The following KCNQ3 variants were observed in gnomAD, a reference collection of about 807,000 sequenced individuals.
KCNQ3 encodes the protein potassium voltage-gated channel subfamily Q member 3, also known as potassium voltage-gated channel subfamily KQT member 3.
KCNQ3 carries 30 observed loss-of-function variants against 92.5 expected under a neutral mutation model. The ratio of observed to expected loss-of-function variants is 0.32; its 90% CI spans 0.24 to 0.44. KCNQ3 has a LOEUF of 0.44. Ranked by LOEUF, KCNQ3 falls within the 20% of genes least tolerant of loss-of-function variation. The pLI is 1.00. For synonymous variants in KCNQ3, 450 were observed against 468.8 expected, an observed-to-expected ratio of 0.96 and a Z score of 0.52; for missense variants, 913 against 1,140.3, an observed-to-expected ratio of 0.80 and a Z score of 2.87.
At chr8:132,430,759 C>T (rs894071293) in intron 1 of KCNQ3, among the ~76,000 whole-genome samples, 9 of 152,130 alleles carry the variant, frequency 5.9e-5, no homozygotes, top group African/African-American at 1.9e-4. Flanking sequence ...AGGACAGAAA[C>T]GGGAAGATAT....
At position 132,372,431 on chromosome 8, in the gene KCNQ3, A is replaced by G. The variant is rs1194025021; in HGVS notation, c.386+107716T>C. Among the ~76,000 whole-genome samples, 3 of 152,140 alleles carry G rather than the reference A, an allele frequency of 2.0e-5. No homozygotes were observed. In the East Asian group the frequency reaches 5.8e-4, roughly 29 times the overall value. On this transcript the variant is annotated intron_variant, in intron 1 of 14. Transcript: ENST00000388996. ...GACACCTTATTAATACTACTCCCCC[A>G]GGGCTGTTCTGAGATGGGAGTGAAG...
intron 1 of KCNQ3, among the ~76,000 whole-genome samples, chr8:132,426,289 C>T (rs1515517): frequency 0.59 from 90,252 of 152,216 alleles, 27,233 homozygotes; most frequent in African/African-American, 0.64. Flanking sequence ...ATAAGGCCCT[C>T]AGGCAAACAA....
intron 4 of KCNQ3, among the ~76,000 whole-genome samples, chr8:132,176,086 C>T (rs1406167607): frequency 1.3e-5 from 2 of 152,192 alleles, no homozygotes; most frequent in Non-Finnish European, 2.9e-5. Context: ...TCTCCCAAAT[C>T]TCAGTATCTT....
intron 1 of KCNQ3, among the ~76,000 whole-genome samples, chr8:132,343,713 G>C (rs962864778): frequency 6.6e-6 from 1 of 151,944 alleles, no homozygotes; most frequent in Non-Finnish European, 1.5e-5. Context: ...AGAGATACTC[G>C]CTCCCTGATT....
At chr8:132,335,450 C>T (rs761824652) in intron 1 of KCNQ3, among the ~76,000 whole-genome samples, 1 of 152,170 alleles carries the variant, frequency 6.6e-6, no homozygotes. Flanking sequence ...ATCCCCCTCA[C>T]TTTGTAATAA....
chr8:132,453,773 A>G (rs1821878107), intron 1 of KCNQ3, among the ~76,000 whole-genome samples: 1 of 152,156 alleles, frequency 6.6e-6, no homozygotes, highest in African/African-American at 2.4e-5. Flanking sequence ...CCTAAATGGC[A>G]AGGATGGTTG....
chr8:132,173,694 C>A (rs1001341733), intron 6 of KCNQ3, among the ~76,000 whole-genome samples: 2 of 152,166 alleles, frequency 1.3e-5, no homozygotes, highest in African/African-American at 4.8e-5. Flanking sequence ...CAAATGCAAT[C>A]TGCTTTCATT....
chr8:132,338,027 C>A (rs1291983971), intron 1 of KCNQ3, among the ~76,000 whole-genome samples: 1 of 152,160 alleles, frequency 6.6e-6, no homozygotes, highest in African/African-American at 2.4e-5. Flanking sequence ...AGAGGGAAAA[C>A]TTATGGGCAA....
intron 1 of KCNQ3, among the ~76,000 whole-genome samples, chr8:132,310,738 T>C (rs1817571010): frequency 6.6e-6 from 1 of 152,142 alleles, no homozygotes; most frequent in African/African-American, 2.4e-5. Context: ...CTAAAAGTGG[T>C]ATGTGAGCTG....
chr8:132,358,076 C>CAA (rs57516766), intron 1 of KCNQ3, among the ~76,000 whole-genome samples: 1 of 151,988 alleles, frequency 6.6e-6, no homozygotes, highest in African/African-American at 2.4e-5. Context: ...GGTGTCCTCA[C>CAA]AAAAAAGGAG....
At chr8:132,204,762 T>C (rs1377600291) in intron 1 of KCNQ3, among the ~76,000 whole-genome samples, 2 of 152,204 alleles carry the variant, frequency 1.3e-5, no homozygotes, top group African/African-American at 4.8e-5. Context: ...ACTTTATTTA[T>C]GAAATGAGGC....
rs866012563 is a variant in KCNQ3 at position 132,294,000 on chromosome 8, G to T, written c.387-107819C>A. Among the ~76,000 whole-genome samples, 30 of 124,172 alleles carry T rather than the reference G, an allele frequency of 2.4e-4. 1 individual carries two copies. The highest frequency in any genetic ancestry group is 6.8e-4 in the African/African-American group (22 of 32,290). 81.5% of individuals were successfully genotyped at this position (124,172 alleles called of 152,430 possible). A position where few individuals can be genotyped will look rare whatever the true frequency, so the allele number is the denominator to read the frequency against. On this transcript the variant is annotated intron_variant, in intron 1 of 14. Transcript: ENST00000388996. Reference sequence around the variant, plus strand: ...ACTAAGGGTTTTTTGTGTGTGTGTGGTTTTTTTTTTTTTTTTTTGAGACGG... The same window carrying T: ...ACTAAGGGTTTTTTGTGTGTGTGTGTTTTTTTTTTTTTTTTTTTGAGACGG...
At chr8:132,456,646 C>T (rs1037689313) in intron 1 of KCNQ3, among the ~76,000 whole-genome samples, 8 of 151,276 alleles carry the variant, frequency 5.3e-5, no homozygotes, top group African/African-American at 1.2e-4. Flanking sequence ...CTCACTCTGT[C>T]GCCCAGGCTG....
intron 1 of KCNQ3, among the ~76,000 whole-genome samples, chr8:132,344,614 G>A (rs190600792): frequency 2.0e-4 from 31 of 152,274 alleles, no homozygotes; most frequent in African/African-American, 7.2e-4. Flanking sequence ...CACTCATCAC[G>A]GTGGAATCAG....
intron 1 of KCNQ3, among the ~76,000 whole-genome samples, chr8:132,431,937 C>A (rs984481490): frequency 6.6e-6 from 1 of 152,172 alleles, no homozygotes; most frequent in South Asian, 2.1e-4. Context: ...TTGATAAAAC[C>A]TAACTGCAGC....
In KCNQ3 at chr8:132,373,428, G is replaced by A. The variant is rs112120734; in HGVS notation, c.386+106719C>T. 7.6e-3 allele frequency among the ~76,000 whole-genome samples: 1,161 copies of A among 152,228 alleles called. 13 individuals carry two copies. Among genetic ancestry groups the A allele is most frequent in the African/African-American group, 0.026 (1,092 of 41,536 alleles). On this transcript the variant is annotated intron_variant, in intron 1 of 14. Transcript: ENST00000388996. ...ACTAAGAATCATATAATAAGATGCT[G>A]GGAATGACGTTTATCAAGTGCTTTT...
intron 1 of KCNQ3, among the ~76,000 whole-genome samples, chr8:132,207,315 A>G (rs1813691625): frequency 6.6e-6 from 1 of 152,182 alleles, no homozygotes; most frequent in Admixed American, 6.6e-5. Context: ...AGCATTGGTG[A>G]TTACTATTTG....
At chr8:132,244,442 GA>G (rs1815096111) in intron 1 of KCNQ3, among the ~76,000 whole-genome samples, 1 of 151,744 alleles carries the variant, frequency 6.6e-6, no homozygotes, top group Non-Finnish European at 1.5e-5. Flanking sequence ...TGGAAAGGAG[GA>G]GGTAGTAAAG....
intron 14 of KCNQ3, among the ~76,000 whole-genome samples, chr8:132,130,991 A>G (rs1462694121): frequency 1.3e-5 from 2 of 152,198 alleles, no homozygotes; most frequent in African/African-American, 4.8e-5. Flanking sequence ...ATAGCATCTG[A>G]GCCTCAATAA....
Sources: allele counts gnomAD v4.1 joint callset (sites outside exome capture counted in the v4.1 genomes callset), GRCh38; gene constraint gnomAD v4.1.1; transcripts MANE v1.5; gene names NCBI Gene and HGNC (gene_info 2026-07-23, HGNC 2026-07-21).